Variants in TAFA1 observed in about 807,000 individuals in gnomAD.
TAFA1 encodes the protein chemokine-like protein TAFA-1.
In TAFA1, 4 loss-of-function variants were observed where a neutral mutation model predicts 18.5. That is an observed-to-expected ratio of 0.22 (90% CI 0.11 to 0.49). The LOEUF (loss-of-function observed/expected upper bound fraction) is 0.49, where lower values mean the gene tolerates loss of function less well. Among genes scored for constraint, TAFA1 ranks in the 20% least tolerant of loss-of-function variants. The probability of loss-of-function intolerance (pLI) is 0.98; values close to 1 mark genes in which losing one functional copy is unlikely to be tolerated. For synonymous variants in TAFA1, 56 were observed against 55.2 expected (o/e 1.01, Z -0.06); for missense variants, 147 against 169.0 (o/e 0.87, Z 0.72).
At chr3:68,330,797 A>G (rs541415185) in intron 2 of TAFA1, among the ~76,000 whole-genome samples, 51 of 152,222 alleles carry the variant, frequency 3.4e-4, no homozygotes, top group Non-Finnish European at 5.9e-4. Context: ...TTTACCTGAA[A>G]GACTGCCTTA....
chr3:68,333,327 C>T (rs955320236), intron 2 of TAFA1, among the ~76,000 whole-genome samples: 4 of 152,124 alleles, frequency 2.6e-5, no homozygotes, highest in African/African-American at 9.7e-5. Context: ...GAGATGATAT[C>T]CTTTGCAGCA....
chr3:68,385,174 C>T (rs751871937), intron 2 of TAFA1, among the ~76,000 whole-genome samples: 8 of 152,012 alleles, frequency 5.3e-5, no homozygotes, highest in Non-Finnish European at 4.4e-5. Flanking sequence ...ACTGGGTTTT[C>T]GCCCCTGAGG....
chr3:68,302,266 C>T (rs2068318630), intron 2 of TAFA1, among the ~76,000 whole-genome samples: 1 of 152,158 alleles, frequency 6.6e-6, no homozygotes, highest in African/African-American at 2.4e-5. Flanking sequence ...AACTGCTTTA[C>T]AGACTCCAAC....
intron 2 of TAFA1, among the ~76,000 whole-genome samples, chr3:68,371,429 A>C (rs1026855317): frequency 6.6e-6 from 1 of 151,638 alleles, no homozygotes; most frequent in African/African-American, 2.4e-5. Flanking sequence ...CCCTGTGTCC[A>C]TGTGTTCTTA....
intron 2 of TAFA1, among the ~76,000 whole-genome samples, chr3:68,396,468 C>A (rs2070385761): frequency 6.6e-6 from 1 of 152,150 alleles, no homozygotes; most frequent in Non-Finnish European, 1.5e-5. Flanking sequence ...AAAAAAGAAC[C>A]TTTTATTTAA....
intron 2 of TAFA1, among the ~76,000 whole-genome samples, chr3:68,335,337 T>A (rs1443943120): frequency 6.6e-6 from 1 of 152,194 alleles, no homozygotes. Flanking sequence ...GTCTATTATT[T>A]AGTTATTTGG....
chr3:68,166,195 C>T (rs745536166), intron 2 of TAFA1, among the ~76,000 whole-genome samples: 1 of 152,170 alleles, frequency 6.6e-6, no homozygotes, highest in Non-Finnish European at 1.5e-5. Context: ...GTCTTATTTG[C>T]AGGGACAAGA....
intron 2 of TAFA1, among the ~76,000 whole-genome samples, chr3:68,251,339 G>A (rs1322788897): frequency 1.3e-5 from 2 of 152,096 alleles, no homozygotes; most frequent in African/African-American, 4.8e-5. Flanking sequence ...GTTTGCTATG[G>A]CTATATGCTA....
chr3:68,063,965 G>A (rs2064639848), intron 2 of TAFA1, among the ~76,000 whole-genome samples: 1 of 152,130 alleles, frequency 6.6e-6, no homozygotes, highest in African/African-American at 2.4e-5. Context: ...CTACCCCCAG[G>A]TAGGACTTTT....
rs191935598 is a variant in TAFA1, at chr3:68,048,828, G to A, written c.118+42084G>A. 4.5e-3 allele frequency among the ~76,000 whole-genome samples: 677 copies of A among 152,124 alleles called. 4 individuals are homozygous for A. The highest frequency in any genetic ancestry group is 7.3e-3 in the Non-Finnish European group (493 of 67,986). On this transcript the variant is annotated intron_variant, in intron 2 of 4. Coordinates refer to ENST00000478136, the MANE Select transcript of TAFA1 (RefSeq NM_213609.4). ...ATGGCTGAATAGTACTCTATTGTGC[G>A]TATGTACCACATTTTAAAAAATCTA...
At chr3:68,187,216 G>A (rs2066281905) in intron 2 of TAFA1, among the ~76,000 whole-genome samples, 1 of 151,814 alleles carries the variant, frequency 6.6e-6, no homozygotes, top group South Asian at 2.1e-4. Context: ...TTTATAAGCA[G>A]CCTCTCATTA....
chr3:68,217,659 T>G (rs1412759947), intron 2 of TAFA1, among the ~76,000 whole-genome samples: 1 of 152,084 alleles, frequency 6.6e-6, no homozygotes, highest in Non-Finnish European at 1.5e-5. Context: ...GAAACTGCTG[T>G]GTGGGGATAT....
At chr3:68,529,201 T>C (rs2073151397) in intron 3 of TAFA1, among the ~76,000 whole-genome samples, 1 of 151,920 alleles carries the variant, frequency 6.6e-6, no homozygotes, top group Non-Finnish European at 1.5e-5. Flanking sequence ...ACCGAGTTAC[T>C]GGTTAAAGTG....
At chr3:68,481,481 G>A (rs977072464) in intron 3 of TAFA1, among the ~76,000 whole-genome samples, 7 of 152,126 alleles carry the variant, frequency 4.6e-5, no homozygotes, top group East Asian at 1.9e-4. Context: ...ATTGGATGAC[G>A]TTATATACCT....
At chr3:68,364,095 G>C (rs2069523274) in intron 2 of TAFA1, among the ~76,000 whole-genome samples, 1 of 152,200 alleles carries the variant, frequency 6.6e-6, no homozygotes, top group South Asian at 2.1e-4. Context: ...TTTACCCTCT[G>C]GGGCTGGGAG....
chr3:68,493,500 T>C (rs2072491411), intron 3 of TAFA1, among the ~76,000 whole-genome samples: 1 of 152,210 alleles, frequency 6.6e-6, no homozygotes, highest in Non-Finnish European at 1.5e-5. Context: ...TTGGATATAT[T>C]CCCAGAATTG....
At chr3:68,434,378 T>C (rs1342265988) in intron 3 of TAFA1, among the ~76,000 whole-genome samples, 14 of 152,058 alleles carry the variant, frequency 9.2e-5, no homozygotes, top group Non-Finnish European at 2.1e-4. Context: ...TAGAAGAAAA[T>C]GTAAATATTT....
intron 2 of TAFA1, among the ~76,000 whole-genome samples, chr3:68,140,259 C>T (rs1195180490): frequency 6.6e-6 from 1 of 152,170 alleles, no homozygotes; most frequent in Non-Finnish European, 1.5e-5. Context: ...GGGGCCGATG[C>T]CTTTCTTCAC....
At chr3:68,039,268 A>G (rs964778886) in intron 2 of TAFA1, among the ~76,000 whole-genome samples, 1 of 152,238 alleles carries the variant, frequency 6.6e-6, no homozygotes, top group African/African-American at 2.4e-5. Context: ...TTTTACTCAT[A>G]TTAATATTAG....
Sources: gnomAD v4.1 joint callset for allele counts (sites outside exome capture counted in the v4.1 genomes callset) on GRCh38, gnomAD v4.1.1 for gene constraint, MANE v1.5 for transcripts, NCBI Gene and HGNC (gene_info 2026-07-23, HGNC 2026-07-21) for gene names.